Variants in CTNNA3 observed in about 807,000 individuals in gnomAD.
CTNNA3 encodes the protein catenin alpha 3.
A neutral mutation model predicts 95.7 loss-of-function variants in CTNNA3; 76 were observed. The observed-to-expected ratio is 0.79, with a 90% CI of 0.66 to 0.96. The LOEUF is 0.96. Among genes scored for constraint, CTNNA3 ranks in the 40% least tolerant of loss-of-function variants. The probability of loss-of-function intolerance (pLI) is 0.00; values close to 1 mark genes in which losing one functional copy is unlikely to be tolerated. For missense variants in CTNNA3, 1,191 were observed against 1,089.8 expected (o/e 1.09, Z -1.31); for synonymous variants, 431 against 374.4 (o/e 1.15, Z -1.74).
At chr10:66,916,872 T>G (rs1846520060) in intron 7 of CTNNA3, among the ~76,000 whole-genome samples, 1 of 152,160 alleles carries the variant, frequency 6.6e-6, no homozygotes, top group South Asian at 2.1e-4. Context: ...TTTTCCTTTT[T>G]AATGGTGGCC....
At chr10:66,889,588 G>T (rs1329802041) in intron 7 of CTNNA3, among the ~76,000 whole-genome samples, 1 of 152,156 alleles carries the variant, frequency 6.6e-6, no homozygotes, top group Non-Finnish European at 1.5e-5. Flanking sequence ...TAAGTGGATT[G>T]TATGTGTAGG....
chr10:67,559,255 G>A (rs2133251968), intron 3 of CTNNA3, among the ~76,000 whole-genome samples: 1 of 152,316 alleles, frequency 6.6e-6, no homozygotes, highest in Non-Finnish European at 1.5e-5. Flanking sequence ...GGGGCAGACT[G>A]ACACCTCACA....
At chr10:66,225,625 C>A (rs1409935866) in intron 13 of CTNNA3, among the ~76,000 whole-genome samples, 1 of 151,096 alleles carries the variant, frequency 6.6e-6, no homozygotes, top group Non-Finnish European at 1.5e-5. Context: ...ATATGGTATT[C>A]AAATTTTTAA....
At chr10:66,310,424 C>A (rs928542602) in intron 12 of CTNNA3, among the ~76,000 whole-genome samples, 1 of 152,100 alleles carries the variant, frequency 6.6e-6, no homozygotes, top group African/African-American at 2.4e-5. Context: ...CATTTCTGTA[C>A]CCTAAACTAT....
At chr10:66,083,489 A>G (rs898931092) in intron 14 of CTNNA3, among the ~76,000 whole-genome samples, 1 of 152,162 alleles carries the variant, frequency 6.6e-6, no homozygotes, top group Admixed American at 6.6e-5. Flanking sequence ...TCTACCTAAC[A>G]TCTTGCCTAT....
chr10:66,473,407 C>T (rs1302536396), intron 11 of CTNNA3, among the ~76,000 whole-genome samples: 1 of 151,918 alleles, frequency 6.6e-6, no homozygotes, highest in African/African-American at 2.4e-5. Context: ...TCCTTGCTGC[C>T]CCTTTGCCTT....
chr10:67,328,235 G>C (rs758595585), intron 5 of CTNNA3, among the ~76,000 whole-genome samples: 3 of 152,202 alleles, frequency 2.0e-5, no homozygotes, highest in African/African-American at 7.2e-5. Context: ...GGGCCATCCT[G>C]CTGGAGCTCT....
chr10:67,158,433 A>G (rs1267215408), intron 7 of CTNNA3, among the ~76,000 whole-genome samples: 1 of 152,192 alleles, frequency 6.6e-6, no homozygotes, highest in Non-Finnish European at 1.5e-5. Flanking sequence ...GCCTGGCAAA[A>G]AACTCAGATA....
At chr10:66,857,518 T>C (rs1435081939) in intron 7 of CTNNA3, among the ~76,000 whole-genome samples, 1 of 152,092 alleles carries the variant, frequency 6.6e-6, no homozygotes, top group African/African-American at 2.4e-5. Context: ...ATTTTAACAA[T>C]ATTGATTCTT....
At chr10:66,687,218 C>T (rs1267786399) in intron 9 of CTNNA3, among the ~76,000 whole-genome samples, 1 of 151,892 alleles carries the variant, frequency 6.6e-6, no homozygotes, top group African/African-American at 2.4e-5. Flanking sequence ...AAAATATATA[C>T]ATAAATGATG....
intron 13 of CTNNA3, among the ~76,000 whole-genome samples, chr10:66,168,480 G>A (rs2085254936): frequency 6.6e-6 from 1 of 152,006 alleles, no homozygotes; most frequent in African/African-American, 2.4e-5. Flanking sequence ...CATTGAGCAA[G>A]CCAAACTCAT....
At chr10:66,477,661 A>G (rs1007070518) in intron 11 of CTNNA3, among the ~76,000 whole-genome samples, 8 of 151,960 alleles carry the variant, frequency 5.3e-5, no homozygotes, top group African/African-American at 1.9e-4. Context: ...GGTATAGTTT[A>G]TAGTCATCTT....
chr10:67,070,545 G>C (rs528982236), intron 7 of CTNNA3, among the ~76,000 whole-genome samples: 6 of 152,100 alleles, frequency 3.9e-5, no homozygotes, highest in African/African-American at 1.4e-4. Context: ...TCCGGAGATC[G>C]AGACCATCTT....
chr10:66,061,544 T>A lies in CTNNA3; in HGVS notation c.2159+7764A>T, dbSNP rs2080199455. ...TTCCATTATGCCCCTACCATGATCA[T>A]AATCCTTCAGTTGTTACGTATCTCC... is the stretch of plus-strand genomic sequence containing the variant. On this transcript the variant is annotated intron_variant, in intron 15 of 17. Transcript: ENST00000433211. 3.3e-5 allele frequency among the ~76,000 whole-genome samples: 5 copies of A among 152,092 alleles called. No individual in the cohort carries two copies. In the South Asian group the frequency reaches 1.0e-3, roughly 31 times the overall value.
At chr10:66,684,805 T>G (rs889421862) in intron 9 of CTNNA3, among the ~76,000 whole-genome samples, 1 of 152,170 alleles carries the variant, frequency 6.6e-6, no homozygotes, top group Non-Finnish European at 1.5e-5. Flanking sequence ...ATGCTATTGA[T>G]GCTGAAAATA....
At chr10:65,998,041 T>C (rs1193037718) in intron 15 of CTNNA3, among the ~76,000 whole-genome samples, 1 of 152,118 alleles carries the variant, frequency 6.6e-6, no homozygotes, top group Non-Finnish European at 1.5e-5. Flanking sequence ...AACTATATCA[T>C]AATAGTTGAG....
At position 66,800,836 on chromosome 10, in the gene CTNNA3, C is replaced by T. The variant is rs999395927; in HGVS notation, c.1048-25312G>A. ...AAACAAATAAAAATGGAAAAGCTTC[C>T]CCATTCATCCTACTTGCTAGCATAA... On this transcript the variant is annotated intron_variant, in intron 7 of 17. Transcript: ENST00000433211. Among the ~76,000 whole-genome samples, 4 of 151,018 alleles carry T rather than the reference C, an allele frequency of 2.6e-5. No individual in the cohort carries two copies. The East Asian group carries it at 7.7e-4, about 29-fold the overall frequency.
chr10:66,031,943 A>G (rs1028929691), intron 15 of CTNNA3, among the ~76,000 whole-genome samples: 8 of 152,192 alleles, frequency 5.3e-5, no homozygotes, highest in Non-Finnish European at 1.0e-4. Context: ...TTATAGAAGT[A>G]GCTGGTAAAG....
chr10:66,810,110 G>A (rs1275527439), intron 7 of CTNNA3, among the ~76,000 whole-genome samples: 5 of 152,052 alleles, frequency 3.3e-5, no homozygotes, highest in Non-Finnish European at 7.4e-5. Flanking sequence ...TGTTTTTCAT[G>A]TCTCTGTTTC....
Sources: allele counts gnomAD v4.1 joint callset (sites outside exome capture counted in the v4.1 genomes callset), GRCh38; gene constraint gnomAD v4.1.1; transcripts MANE v1.5; gene names NCBI Gene and HGNC (gene_info 2026-07-23, HGNC 2026-07-21).